ACMSD: variants seen among roughly 807,000 people sequenced by gnomAD.
ACMSD encodes 2-amino-3-carboxymuconate-6-semialdehyde decarboxylase.
ACMSD carries 37 observed loss-of-function variants against 45.9 expected under a neutral mutation model. The ratio of observed to expected loss-of-function variants is 0.81; its 90% CI spans 0.62 to 1.06. The LOEUF is 1.06. Ranked by LOEUF, ACMSD falls within the 50% of genes least tolerant of loss-of-function variation. The pLI is 0.00. For synonymous variants in ACMSD, 138 were observed against 148.8 expected (o/e 0.93, Z 0.53); for missense variants, 434 against 420.9 (o/e 1.03, Z -0.27).
chr2:134,873,472 A>C (rs1688570859), intron 8 of ACMSD: 1 of 152,232 alleles, frequency 6.6e-6, no homozygotes, highest in African/African-American at 2.4e-5. Flanking sequence ...CCCAAGGGAA[A>C]AATCTTTGGG....
intron 8 of ACMSD, among the ~76,000 whole-genome samples, chr2:134,882,611 C>G (rs1469732638): frequency 1.3e-5 from 2 of 152,144 alleles, no homozygotes; most frequent in African/African-American, 4.8e-5. Context: ...TGAATTAAAC[C>G]AGGCTCTTTC....
At chr2:134,838,811 T>A (rs1368777693) in intron 1 of ACMSD, 72 bp downstream of exon 1, 52 of 1,186,408 alleles carry the variant, frequency 4.4e-5, no homozygotes, top group Non-Finnish European at 1.2e-6. Context: ...CTCTTCTTTG[T>A]GGAATTAGAT....
intron 2 of ACMSD, among the ~76,000 whole-genome samples, chr2:134,851,918 A>G (rs893752074): frequency 3.3e-5 from 5 of 152,214 alleles, no homozygotes; most frequent in African/African-American, 1.2e-4. Context: ...TCTTCTCAAA[A>G]TTAATTCCTA....
chr2:134,872,599 T>C lies in ACMSD; in HGVS notation c.807T>C (p.His269=). Residue 269 remains histidine (H), a synonymous_variant, in exon 8 of 10, where the codon CAT becomes CAC. Coordinates refer to ENST00000356140, the MANE Select transcript of ACMSD (RefSeq NM_138326.3). ...LGSFYTDALV[H]DPLSLKLLTD... ...CCTTTTACACAGATGCTTTGGTTCA[T>C]GATCCTCTGTCCCTCAAGCTGTTAA... 1 of 1,614,188 alleles carries C rather than the reference T, an allele frequency of 6.2e-7. No individual in the cohort carries two copies. Among genetic ancestry groups the C allele is most frequent in the Non-Finnish European group, 8.5e-7 (1 of 1,180,032 alleles).
At chr2:134,884,990 G>GT in intron 8 of ACMSD, among the ~76,000 whole-genome samples, 2 of 151,586 alleles carry the variant, frequency 1.3e-5, no homozygotes, top group Middle Eastern at 3.4e-3. Context: ...GAGCTCAGGA[G>GT]TTTGAGACCA....
intron 1 of ACMSD, among the ~76,000 whole-genome samples, chr2:134,841,459 C>A (rs1573608959): frequency 1.3e-5 from 2 of 152,080 alleles, no homozygotes; most frequent in African/African-American, 2.4e-5. Context: ...GAAATCTTTT[C>A]ATTTTCGCTT....
rs1465133120 is a variant in ACMSD, at chr2:134,901,892, G to A, written c.*32G>A. On this transcript the variant is annotated 3_prime_UTR_variant, in exon 10 of 10. Coordinates refer to ENST00000356140, the MANE Select transcript of ACMSD (RefSeq NM_138326.3). ...TTACTACAAAGGCAAACTTTCAAAA[G>A]GATATCTCATTTTTGTTTCTAAATA... The A allele has an allele frequency of 6.5e-6, 10 of 1,531,792 alleles. No individual in the cohort carries two copies. The highest frequency in any genetic ancestry group is 1.8e-4 in the Middle Eastern group (1 of 5,698). The allele number at this position is 1,531,792 out of a possible 1,614,324, so 94.9% of individuals were successfully genotyped here. A position where few individuals can be genotyped will look rare whatever the true frequency, so the allele number is the denominator to read the frequency against.
intron 2 of ACMSD, among the ~76,000 whole-genome samples, chr2:134,850,419 C>T (rs1040976762): frequency 1.3e-5 from 2 of 152,010 alleles, no homozygotes; most frequent in East Asian, 3.9e-4. Context: ...CAGGTGTGTG[C>T]CACCACACCC....
At chr2:134,872,078 T>C (rs1688481669) in intron 7 of ACMSD, among the ~76,000 whole-genome samples, 2 of 151,862 alleles carry the variant, frequency 1.3e-5, no homozygotes, top group Non-Finnish European at 2.9e-5. Context: ...TGTCTCAGCC[T>C]CCTGAGTAGC....
chr2:134,839,815 T>C (rs1253855838), intron 1 of ACMSD, among the ~76,000 whole-genome samples: 1 of 152,170 alleles, frequency 6.6e-6, no homozygotes, highest in African/African-American at 2.4e-5. Context: ...AAAAGGACTC[T>C]ACATGTTTAC....
chr2:134,880,551 T>C (rs1214417490), intron 8 of ACMSD, among the ~76,000 whole-genome samples: 1 of 152,182 alleles, frequency 6.6e-6, no homozygotes, highest in Non-Finnish European at 1.5e-5. Flanking sequence ...TCTATTTAGT[T>C]GGTCTCTTAA....
chr2:134,844,673 C>G (rs544338699), intron 1 of ACMSD, among the ~76,000 whole-genome samples: 1 of 152,254 alleles, frequency 6.6e-6, no homozygotes, highest in South Asian at 2.1e-4. Flanking sequence ...AGGAGAAAGC[C>G]CTCAGCCAGT....
chr2:134,873,537 C>T (rs992976907), intron 8 of ACMSD: 1 of 152,086 alleles, frequency 6.6e-6, no homozygotes, highest in Non-Finnish European at 1.5e-5. Flanking sequence ...TGAGTTTAGA[C>T]TCTAAGGTTT....
At chr2:134,845,364 A>G in intron 2 of ACMSD, 87 bp downstream of exon 2, 1 of 1,419,998 alleles carries the variant, frequency 7.0e-7, no homozygotes, top group East Asian at 2.3e-5. Context: ...GCCTCCAGGG[A>G]ACCCCACTCT....
At chr2:134,883,159 C>T (rs1190009085) in intron 8 of ACMSD, among the ~76,000 whole-genome samples, 4 of 152,012 alleles carry the variant, frequency 2.6e-5, no homozygotes, top group Non-Finnish European at 4.4e-5. Flanking sequence ...TTAGAAATGC[C>T]CTACTAAAAT....
intron 8 of ACMSD, among the ~76,000 whole-genome samples, chr2:134,876,701 G>T (rs1688751080): frequency 6.6e-6 from 1 of 152,054 alleles, no homozygotes; most frequent in Admixed American, 6.6e-5. Flanking sequence ...ATGATAAAAA[G>T]GATAACATAG....
chr2:134,859,787 C>T (rs1250131896), intron 3 of ACMSD: 1 of 153,170 alleles, frequency 6.5e-6, no homozygotes, highest in African/African-American at 2.4e-5. Flanking sequence ...AACATTCCCA[C>T]TGACACATCA....
In ACMSD at chr2:134,840,167, C is replaced by CAAAAAA. The variant is rs1158518481; in HGVS notation, c.57+1449_57+1454dup. On this transcript the variant is annotated intron_variant, in intron 1 of 9. Coordinates refer to ENST00000356140, the MANE Select transcript of ACMSD (RefSeq NM_138326.3). ...TAAAATAGCCATAAACTATACCTAG[C>CAAAAAA]AAAAAAAAAAAAAAAAAAAAAAAAA... Among the ~76,000 whole-genome samples the CAAAAAA allele has an allele frequency of 1.5e-3, 35 of 23,440 alleles. 2 individuals carry two copies. The highest frequency in any genetic ancestry group is 0.014 in the East Asian group (11 of 760). The allele number at this position is 23,440 out of a possible 152,430, so 15.4% of individuals were successfully genotyped here.
chr2:134,872,925 G>A (rs1290688150), intron 8 of ACMSD: 6 of 375,696 alleles, frequency 1.6e-5, no homozygotes, highest in Non-Finnish European at 2.5e-5. Flanking sequence ...CTCTTCCTTA[G>A]CGACATCCCT....
Sources: allele counts gnomAD v4.1 joint callset (sites outside exome capture counted in the v4.1 genomes callset), GRCh38; gene constraint gnomAD v4.1.1; transcripts MANE v1.5; gene names NCBI Gene and HGNC (gene_info 2026-07-23, HGNC 2026-07-21).